Variants in TXLNG observed in about 807,000 individuals in gnomAD.
TXLNG encodes the protein gamma-taxilin.
A neutral mutation model predicts 38.8 loss-of-function variants in TXLNG; 5 were observed. The observed-to-expected ratio is 0.13, with a 90% confidence interval of 0.07 to 0.27. The LOEUF (loss-of-function observed/expected upper bound fraction) is 0.27, where lower values mean the gene tolerates loss of function less well. TXLNG is among the 10% of genes least tolerant of loss of function. The pLI, the probability that TXLNG is intolerant of heterozygous loss-of-function variation, is 1.00. For synonymous variants in TXLNG, 182 were observed against 158.2 expected (o/e 1.15, Z -1.13); for missense variants, 393 against 398.2 (o/e 0.99, Z 0.11).
At chrX:16,830,801 C>T (rs1439082738) in intron 5 of TXLNG, among the ~76,000 whole-genome samples, 1 of 88,750 alleles carries the variant, frequency 1.1e-5, no homozygotes, top group African/African-American at 4.3e-5. Context: ...TAATATAGCA[C>T]CTGGCTTCAG....
intron 1 of TXLNG, among the ~76,000 whole-genome samples, chrX:16,817,310 T>C (rs1324744451): frequency 1.8e-5 from 2 of 112,357 alleles, no homozygotes; most frequent in Non-Finnish European, 3.8e-5. Flanking sequence ...TATCCATATA[T>C]TGCCAAAGAG....
chrX:16,822,802 C>T (rs981284468), intron 3 of TXLNG, among the ~76,000 whole-genome samples: 2 of 111,673 alleles, frequency 1.8e-5, no homozygotes, highest in African/African-American at 3.3e-5. Context: ...AGACTCACAC[C>T]GATCATTGAA....
At chrX:16,840,600 C>T (rs1929763008) in intron 9 of TXLNG, 3 of 226,840 alleles carry the variant, frequency 1.3e-5, no homozygotes, top group African/African-American at 3.1e-5. Flanking sequence ...CGTGAAACCC[C>T]GTCTCTACTA....
chrX:16,827,898 T>C (rs1929227497), intron 3 of TXLNG, among the ~76,000 whole-genome samples, 196 bp from the exon 4 acceptor site: 1 of 112,275 alleles, frequency 8.9e-6, no homozygotes, highest in Non-Finnish European at 1.9e-5. Flanking sequence ...CTAAATTTGC[T>C]TACTTTTTTG....
At chrX:16,815,523 CTAT>C (rs1928705708) in intron 1 of TXLNG, among the ~76,000 whole-genome samples, 1 of 104,352 alleles carries the variant, frequency 9.6e-6, no homozygotes, top group Non-Finnish European at 2.0e-5. Flanking sequence ...AGATTTGAAA[CTAT>C]TATTATTTTT....
chrX:16,844,135 G>A lies in TXLNG; in HGVS notation c.*2369G>A, dbSNP rs1929995330. On this transcript the variant is annotated 3_prime_UTR_variant, in exon 10 of 10. Coordinates refer to ENST00000380122, the MANE Select transcript of TXLNG (RefSeq NM_018360.3). ...ACTCCAAGGTGTAGAGAAAACTTGG[G>A]TCTTGGGTAATATGGACCATTTCAT... 1 of 111,876 alleles carries A rather than the reference G, an allele frequency of 8.9e-6. No individual in the cohort carries two copies. Among genetic ancestry groups the A allele is most frequent in the African/African-American group, 3.3e-5 (1 of 30,682 alleles). 9.2% of individuals were successfully genotyped at this position (111,876 alleles called of 1,213,427 possible).
chrX:16,832,467 G>A lies in TXLNG; in HGVS notation c.865-156G>A, dbSNP rs775089917. 4.6e-4 allele frequency among the ~76,000 whole-genome samples: 52 copies of A among 111,964 alleles called. No homozygotes were observed. Among genetic ancestry groups the A allele is most frequent in the Non-Finnish European group, 7.9e-4 (42 of 53,197 alleles). Reference sequence around the variant, plus strand: ...GTGTCAAATTGCCGCTTCTCTCAGCGGAGTATACAGGGACAGAGAGAGAGC... The same window carrying A: ...GTGTCAAATTGCCGCTTCTCTCAGCAGAGTATACAGGGACAGAGAGAGAGC... On this transcript the variant is annotated intron_variant, in intron 5 of 9. Transcript: ENST00000380122.
Position 16,837,649 on chromosome X carries a change from T to C in TXLNG, c.1116T>C (p.Asn372=). 1 of 1,208,313 alleles carries C rather than the reference T, an allele frequency of 8.3e-7. No individual in the cohort carries two copies. The highest frequency in any genetic ancestry group is 1.1e-6 in the Non-Finnish European group (1 of 893,303). The change falls in exon 8 of 10, where the codon AAT becomes AAC. Residue 372 remains asparagine (N), a synonymous_variant. Transcript: ENST00000380122. ...TCCAGACTACCATGGCAAAAAGCAATGAACTGTTTACAACCTTCAGACAGG... is the reference window on the plus strand; with the variant it reads ...TCCAGACTACCATGGCAAAAAGCAACGAACTGTTTACAACCTTCAGACAGG... ...EEFQTTMAKS[N]ELFTTFRQEM... is the part of the protein sequence containing the mutation.
At chrX:16,832,547 T>C in intron 5 of TXLNG, 76 bp from the exon 6 acceptor site, 2 of 1,174,190 alleles carry the variant, frequency 1.7e-6, no homozygotes, top group East Asian at 6.0e-5. Flanking sequence ...CAGGGTGCTG[T>C]AACTGCTGTG....
intron 1 of TXLNG, among the ~76,000 whole-genome samples, chrX:16,801,061 C>T (rs189622387): frequency 1.1e-4 from 12 of 112,868 alleles, no homozygotes; most frequent in Non-Finnish European, 1.9e-4. Context: ...TTTTGCCTTC[C>T]GTCATGAATA....
chrX:16,798,609 A>G (rs1390723821), intron 1 of TXLNG, among the ~76,000 whole-genome samples: 1 of 107,806 alleles, frequency 9.3e-6, no homozygotes, highest in Non-Finnish European at 1.9e-5. Context: ...CCTTAGAGAC[A>G]GGGTCTTGCT....
chrX:16,820,019 A>G lies in TXLNG; in HGVS notation c.407-145A>G, dbSNP rs1330194701. 5 of 462,199 alleles carry G rather than the reference A, an allele frequency of 1.1e-5. No individual in the cohort carries two copies. In the South Asian group the frequency reaches 2.8e-4, roughly 26 times the overall value. 38.1% of individuals were successfully genotyped at this position (462,199 alleles called of 1,213,427 possible). On this transcript the variant is annotated intron_variant, in intron 2 of 9. Transcript: ENST00000380122. ...CCAGAATTTAAAAATTGCCTTTTTC[A>G]TTGAGCTGGTAAATCTCTTATTTAT...
chrX:16,836,918 C>T (rs1293285744), intron 7 of TXLNG, among the ~76,000 whole-genome samples: 1 of 111,360 alleles, frequency 9.0e-6, no homozygotes, highest in Non-Finnish European at 1.9e-5. Flanking sequence ...CTCAGGCCTC[C>T]CACATGAAGC....
At chrX:16,839,946 G>GTCTT (rs1569273835) in intron 9 of TXLNG, 30 bp downstream of exon 9, 1 of 1,072,168 alleles carries the variant, frequency 9.3e-7, no homozygotes, top group East Asian at 3.1e-5. Context: ...CTAAGGTGTA[G>GTCTT]TCTTAGTCAT....
intron 3 of TXLNG, among the ~76,000 whole-genome samples, chrX:16,824,284 C>T: frequency 9.1e-6 from 1 of 110,188 alleles, no homozygotes; most frequent in Admixed American, 9.7e-5. Flanking sequence ...GAATTGGAGG[C>T]TGCAGTGAGT....
At chrX:16,791,090 G>C (rs1160413797) in intron 1 of TXLNG, among the ~76,000 whole-genome samples, 1 of 112,311 alleles carries the variant, frequency 8.9e-6, no homozygotes, top group African/African-American at 3.2e-5. Context: ...ATTTGGCACA[G>C]TGTGGGATAT....
chrX:16,808,661 AT>A (rs1928408670), intron 1 of TXLNG, among the ~76,000 whole-genome samples: 1 of 111,213 alleles, frequency 9.0e-6, no homozygotes, highest in Non-Finnish European at 1.9e-5. Context: ...GCTACAGGGT[AT>A]TTTGCTTTTT....
intron 1 of TXLNG, among the ~76,000 whole-genome samples, chrX:16,806,366 C>T (rs773776426): frequency 8.9e-6 from 1 of 112,622 alleles, no homozygotes; most frequent in African/African-American, 3.2e-5. Context: ...CAGGGCAGAG[C>T]GAGCATGGTT....
At position 16,841,875 on chromosome X, in the gene TXLNG, CTG is replaced by C. The variant is rs775851864; in HGVS notation, c.*111_*112del. 1.0e-5 allele frequency: 9 copies of C among 873,939 alleles called. No homozygotes were observed. The highest frequency in any genetic ancestry group is 2.0e-5 in the African/African-American group (1 of 49,301). The allele number at this position is 873,939 out of a possible 1,213,427, so 72.0% of individuals were successfully genotyped here. ...AATTTTCTTACTTTTTCTACCATATCTGTATTTTCTTAGAACTACTGGACTTA... is the reference window on the plus strand; with the variant it reads ...AATTTTCTTACTTTTTCTACCATATCTATTTTCTTAGAACTACTGGACTTA... On this transcript the variant is annotated 3_prime_UTR_variant, in exon 10 of 10. Coordinates refer to ENST00000380122, the MANE Select transcript of TXLNG (RefSeq NM_018360.3).
Sources: gnomAD v4.1 joint callset for allele counts (sites outside exome capture counted in the v4.1 genomes callset) on GRCh38, gnomAD v4.1.1 for gene constraint, MANE v1.5 for transcripts, NCBI Gene and HGNC (gene_info 2026-07-23, HGNC 2026-07-21) for gene names.